Variants in DGAT2L6 observed in about 807,000 individuals in gnomAD.
The protein encoded by DGAT2L6 is diacylglycerol O-acyltransferase 2-like protein 6.
Under a neutral mutation model 25.5 loss-of-function variants are expected in DGAT2L6, and 22 were observed. The observed-to-expected ratio is 0.86, with a 90% CI of 0.62 to 1.23. The LOEUF (loss-of-function observed/expected upper bound fraction) is 1.23. Ranked by LOEUF, DGAT2L6 falls within the 50% of genes most tolerant of loss-of-function variation. The pLI, the probability that DGAT2L6 is intolerant of heterozygous loss-of-function variation, is 0.00. For missense variants in DGAT2L6, 287 were observed against 253.2 expected (o/e 1.13, Z -0.91); for synonymous variants, 100 against 94.7 (o/e 1.06, Z -0.32).
At position 70,199,391 on chromosome X, in the gene DGAT2L6, A is replaced by G. The variant is rs778748047; in HGVS notation, c.196+10A>G. 4 of 1,072,654 alleles carry G rather than the reference A, an allele frequency of 3.7e-6. No individual in the cohort carries two copies. The African/African-American group carries it at 7.6e-5, about 20-fold the overall frequency. The allele number at this position is 1,072,654 out of a possible 1,213,427, so 88.4% of individuals were successfully genotyped here. On this transcript the variant is annotated intron_variant, in intron 2 of 6. Transcript: ENST00000333026. ...AACACCCACAGTCAAGGTAAGAGAC[A>G]GGGGCACAATGGTGGTCCTGTTTGG...
intron 1 of DGAT2L6, among the ~76,000 whole-genome samples, chrX:70,178,437 CT>C (rs943142877): frequency 9.0e-6 from 1 of 110,735 alleles, no homozygotes; most frequent in Non-Finnish European, 1.9e-5. Context: ...TCTGAGGCAG[CT>C]TTTTTTTGTT....
intron 4 of DGAT2L6, among the ~76,000 whole-genome samples, chrX:70,201,610 T>C (rs750849084): frequency 9.1e-6 from 1 of 110,391 alleles, no homozygotes; most frequent in South Asian, 3.9e-4. Context: ...TTAGATACTA[T>C]TGATCTGAAA....
chrX:70,201,700 A>G (rs943521417), intron 4 of DGAT2L6, among the ~76,000 whole-genome samples, 190 bp from the exon 5 acceptor site: 1 of 111,112 alleles, frequency 9.0e-6, no homozygotes, highest in African/African-American at 3.3e-5. Flanking sequence ...CAAGGCAAAC[A>G]GCTGACCCTA....
In DGAT2L6 at chrX:70,179,866, C is replaced by T. The variant is rs374012172; in HGVS notation, c.85+2199C>T. On this transcript the variant is annotated intron_variant, in intron 1 of 6. Transcript: ENST00000333026. ...GGATTACCGGCATGAGCCACCGCGC[C>T]GGGCCGAGGCAGTGTTTCTAATTAA... 4.5e-5 allele frequency among the ~76,000 whole-genome samples: 5 copies of T among 110,673 alleles called. No homozygotes were observed. The East Asian group carries it at 1.4e-3, about 32-fold the overall frequency.
rs767179787 is a variant in DGAT2L6, at chrX:70,201,897, C to G, written c.480C>G (p.Cys160Trp). The G allele has an allele frequency of 3.4e-6, 4 of 1,185,834 alleles. No individual in the cohort carries two copies. ...VREYVMSMGV[C>W]PVSSSALKYL... Reference sequence around the variant, plus strand: ...GACTCTTTGGTTTCACAGGTGTGTGCCCTGTGAGTAGCTCAGCCTTGAAGT... The same window carrying G: ...GACTCTTTGGTTTCACAGGTGTGTGGCCTGTGAGTAGCTCAGCCTTGAAGT... The change falls in exon 5 of 7, where the codon TGC becomes TGG. Residue 160 changes from cysteine (C) to tryptophan (W), a missense_variant. Physicochemically the swap from Cys to Trp is radical, Grantham distance 215. Coordinates refer to ENST00000333026, the MANE Select transcript of DGAT2L6 (RefSeq NM_198512.3).
Position 70,189,477 on chromosome X carries a change from G to A in DGAT2L6, c.86-9794G>A, listed in dbSNP as rs773767284. Among the ~76,000 whole-genome samples, 3 of 111,842 alleles carry A rather than the reference G, an allele frequency of 2.7e-5. No homozygotes were observed. In the South Asian group the frequency reaches 1.1e-3, roughly 41 times the overall value. On this transcript the variant is annotated intron_variant, in intron 1 of 6. Transcript: ENST00000333026. ...TAAAATGCTGATGAATAAAATAAAA[G>A]ATCTAAATAATTAGAGACATACCAT...
At chrX:70,189,750 C>T (rs373762293) in intron 1 of DGAT2L6, among the ~76,000 whole-genome samples, 1 of 111,862 alleles carries the variant, frequency 8.9e-6, no homozygotes, top group Non-Finnish European at 1.9e-5. Flanking sequence ...GTGATGTATT[C>T]TCAAATACAA....
intron 5 of DGAT2L6, among the ~76,000 whole-genome samples, chrX:70,202,417 C>T (rs1037279864): frequency 8.9e-6 from 1 of 111,901 alleles, no homozygotes; most frequent in Non-Finnish European, 1.9e-5. Context: ...AGCTTTGATA[C>T]CGTGAGGATC....
intron 1 of DGAT2L6, among the ~76,000 whole-genome samples, chrX:70,189,515 G>A (rs1294564772): frequency 3.6e-5 from 4 of 111,838 alleles, no homozygotes; most frequent in Non-Finnish European, 7.5e-5. Context: ...TCACAGATTG[G>A]AAGATTCAAC....
At chrX:70,199,203 C>T (rs566510962) in intron 1 of DGAT2L6, 68 bp from the exon 2 acceptor site, 27 of 701,201 alleles carry the variant, frequency 3.9e-5, no homozygotes, top group South Asian at 1.4e-4. Context: ...GAGCAGAGGC[C>T]GGGGTTATGA....
chrX:70,180,453 A>AAAAAAGT (rs2085339960), intron 1 of DGAT2L6, among the ~76,000 whole-genome samples: 1 of 111,190 alleles, frequency 9.0e-6, no homozygotes, highest in African/African-American at 3.3e-5. Flanking sequence ...GTCTCAAACA[A>AAAAAAGT]AAAAAGTAAA....
intron 1 of DGAT2L6, among the ~76,000 whole-genome samples, chrX:70,188,325 A>G (rs902837554): frequency 3.6e-5 from 4 of 111,860 alleles, no homozygotes; most frequent in Non-Finnish European, 7.5e-5. Context: ...ATCAAATGAT[A>G]GAACTGCAAA....
chrX:70,199,841 T>C lies in DGAT2L6; in HGVS notation c.226T>C (p.Trp76Arg). The change falls in exon 3 of 7, where the codon TGG becomes CGG. Residue 76 changes from tryptophan (W) to arginine (R), a missense_variant. By Grantham distance (101) the Trp-to-Arg change is moderately radical. Transcript: ENST00000333026. ...CAGGCGTTCAGCTTGGGTACGAAACTGGACCCTATGGAAGTATTTCCGAAA... is the reference window on the plus strand; with the variant it reads ...CAGGCGTTCAGCTTGGGTACGAAACCGGACCCTATGGAAGTATTTCCGAAA... ...GGRRSAWVRN[W>R]TLWKYFRNYF... 8.3e-7 allele frequency: 1 copy of C among 1,211,189 alleles called. No homozygotes were observed. The highest frequency in any genetic ancestry group is 1.1e-6 in the Non-Finnish European group (1 of 895,321).
intron 1 of DGAT2L6, among the ~76,000 whole-genome samples, chrX:70,193,374 A>G (rs2085381179): frequency 1.8e-5 from 2 of 111,010 alleles, no homozygotes; most frequent in South Asian, 3.8e-4. Context: ...CTGAAAAGGC[A>G]GGAGCACTTC....
intron 1 of DGAT2L6, among the ~76,000 whole-genome samples, chrX:70,197,733 A>C (rs1247875862): frequency 8.9e-6 from 1 of 112,596 alleles, no homozygotes; most frequent in African/African-American, 3.2e-5. Context: ...TGATACACTT[A>C]GGCTAACTTT....
chrX:70,182,800 C>T (rs1359271357), intron 1 of DGAT2L6, among the ~76,000 whole-genome samples: 1 of 111,648 alleles, frequency 9.0e-6, no homozygotes, highest in African/African-American at 3.3e-5. Flanking sequence ...ACTACAGGTG[C>T]CCGCCACGAT....
At chrX:70,177,965 G>GAA (rs372405174) in intron 1 of DGAT2L6, among the ~76,000 whole-genome samples, 5 of 98,777 alleles carry the variant, frequency 5.1e-5, no homozygotes, top group South Asian at 9.5e-4. Context: ...CGTCTCTACT[G>GAA]AAAAAAAAAA....
intron 1 of DGAT2L6, among the ~76,000 whole-genome samples, chrX:70,187,464 AG>A (rs1357868854): frequency 9.0e-6 from 1 of 111,428 alleles, no homozygotes; most frequent in Non-Finnish European, 1.9e-5. Context: ...AGCCAGGGTT[AG>A]GAGACTGGAC....
chrX:70,191,138 G>A (rs1478998967), intron 1 of DGAT2L6, among the ~76,000 whole-genome samples: 1 of 112,282 alleles, frequency 8.9e-6, no homozygotes, highest in African/African-American at 3.2e-5. Context: ...TGACATCATG[G>A]AAGAAAACTA....
Sources: gnomAD v4.1 joint callset for allele counts (sites outside exome capture counted in the v4.1 genomes callset) on GRCh38, gnomAD v4.1.1 for gene constraint, MANE v1.5 for transcripts, NCBI Gene and HGNC (gene_info 2026-07-23, HGNC 2026-07-21) for gene names.